ATXN7L1: variants seen among roughly 807,000 people sequenced by gnomAD.
The protein encoded by ATXN7L1 is ataxin 7 like 1.
A neutral mutation model predicts 70.8 loss-of-function variants in ATXN7L1; 15 were observed. The observed-to-expected ratio is 0.21, with a 90% CI of 0.14 to 0.33. The LOEUF is 0.33. ATXN7L1 is among the 10% of genes least tolerant of loss of function. ATXN7L1 has a pLI of 1.00. For missense variants in ATXN7L1, 975 were observed against 1,097.1 expected (o/e 0.89, Z 1.57); for synonymous variants, 440 against 445.1 (o/e 0.99, Z 0.14).
chr7:105,660,576 CTTTTT>C (rs34008024), intron 4 of ATXN7L1, among the ~76,000 whole-genome samples: 1 of 78,140 alleles, frequency 1.3e-5, no homozygotes, highest in African/African-American at 5.3e-5. Context: ...CGGAAGTGAC[CTTTTT>C]TTTTTTTTTT....
chr7:105,861,025 C>T (rs151028867), intron 2 of ATXN7L1, among the ~76,000 whole-genome samples: 8 of 151,986 alleles, frequency 5.3e-5, no homozygotes, highest in Admixed American at 3.3e-4. Context: ...CGGGGTGGCC[C>T]GAGCGGCAGG....
At chr7:105,759,073 C>T (rs978143393) in intron 3 of ATXN7L1, among the ~76,000 whole-genome samples, 1 of 151,700 alleles carries the variant, frequency 6.6e-6, no homozygotes, top group Admixed American at 6.6e-5. Context: ...ACATCACCAA[C>T]TACTACACAG....
At chr7:105,674,452 G>C (rs1345566989) in intron 3 of ATXN7L1, among the ~76,000 whole-genome samples, 1 of 152,244 alleles carries the variant, frequency 6.6e-6, no homozygotes, top group Non-Finnish European at 1.5e-5. Flanking sequence ...CCTTGTTATA[G>C]ATGGGGAAAT....
intron 2 of ATXN7L1, among the ~76,000 whole-genome samples, chr7:105,862,784 C>T (rs1224192558): frequency 6.6e-6 from 1 of 152,106 alleles, no homozygotes. Flanking sequence ...GCTTAAATGT[C>T]CCAGTTAATG....
intron 3 of ATXN7L1, chr7:105,678,949 C>G: frequency 3.8e-6 from 2 of 520,732 alleles, no homozygotes; most frequent in Non-Finnish European, 4.9e-6. Context: ...CTAAATGCCT[C>G]GTGGGCTGCC....
intron 3 of ATXN7L1, among the ~76,000 whole-genome samples, chr7:105,783,871 T>C (rs1417703013): frequency 6.6e-6 from 1 of 152,214 alleles, no homozygotes; most frequent in African/African-American, 2.4e-5. Context: ...TGGGGACCTA[T>C]TACTTGTGAC....
rs139476679 is a variant in ATXN7L1, at chr7:105,738,241, C to T, written c.355+50363G>A. The stretch of plus-strand genomic sequence containing the variant: ...AACTGACATCAAGTGGCTTTCTAAG[C>T]CCATTTGCTGCTGCTCCCCTCAGCA... On this transcript the variant is annotated intron_variant, in intron 3 of 11. Coordinates refer to ENST00000419735, the MANE Select transcript of ATXN7L1 (RefSeq NM_020725.2). Among the ~76,000 whole-genome samples, 7 of 152,324 alleles carry T rather than the reference C, an allele frequency of 4.6e-5. No homozygotes were observed. In the East Asian group the frequency reaches 1.3e-3, roughly 29 times the overall value.
At chr7:105,774,221 T>C (rs1289754698) in intron 3 of ATXN7L1, among the ~76,000 whole-genome samples, 2 of 152,202 alleles carry the variant, frequency 1.3e-5, no homozygotes, top group Non-Finnish European at 2.9e-5. Flanking sequence ...AGGGCCACCA[T>C]CTAGCCCCTG....
At chr7:105,813,675 C>T (rs575232037) in intron 2 of ATXN7L1, among the ~76,000 whole-genome samples, 7 of 152,292 alleles carry the variant, frequency 4.6e-5, no homozygotes, top group African/African-American at 1.7e-4. Context: ...TAGACTCTTC[C>T]TTTATCTGTA....
At chr7:105,646,004 C>T (rs1043513449) in intron 4 of ATXN7L1, among the ~76,000 whole-genome samples, 2 of 142,250 alleles carry the variant, frequency 1.4e-5, no homozygotes, top group Admixed American at 1.4e-4. Context: ...GAGTCTCTGT[C>T]TCAAAAAAAA....
At chr7:105,793,014 G>C (rs943955761) in intron 2 of ATXN7L1, among the ~76,000 whole-genome samples, 3 of 152,198 alleles carry the variant, frequency 2.0e-5, no homozygotes, top group African/African-American at 7.2e-5. Context: ...AAAGTAATTT[G>C]CTTGCAATCT....
rs150437313 is a variant in ATXN7L1, at chr7:105,761,444, C to T, written c.355+27160G>A. On this transcript the variant is annotated intron_variant, in intron 3 of 11. Coordinates refer to ENST00000419735, the MANE Select transcript of ATXN7L1 (RefSeq NM_020725.2). The stretch of plus-strand genomic sequence containing the variant: ...CACTCCTGGAGATGCCTTCATTTCT[C>T]CTGTTGTCTTGCTTTCTCCCTTTGG... 745 of 1,614,098 alleles carry T rather than the reference C, an allele frequency of 4.6e-4. 1 individual carries two copies. The African/African-American group carries it at 8.7e-3, about 19-fold the overall frequency.
chr7:105,809,648 C>A (rs1808128722), intron 2 of ATXN7L1, among the ~76,000 whole-genome samples: 1 of 152,158 alleles, frequency 6.6e-6, no homozygotes, highest in South Asian at 2.1e-4. Flanking sequence ...ACGTATTTAG[C>A]CCTCACAGAA....
chr7:105,671,704 T>G (rs1803724458), intron 3 of ATXN7L1, among the ~76,000 whole-genome samples: 1 of 151,708 alleles, frequency 6.6e-6, no homozygotes, highest in African/African-American at 2.4e-5. Flanking sequence ...CAAAACTAGC[T>G]GGGTAACATG....
Position 105,690,877 on chromosome 7 carries a change from C to T in ATXN7L1, c.356-25589G>A, listed in dbSNP as rs973729709. On this transcript the variant is annotated intron_variant, in intron 3 of 11. Coordinates refer to ENST00000419735, the MANE Select transcript of ATXN7L1 (RefSeq NM_020725.2). The stretch of plus-strand genomic sequence containing the variant: ...AGTGCTAATTCCGGCTTAGTGTTTT[C>T]GCTAAGCTTTAGTTCTTACTCAAAC... 5.9e-5 allele frequency among the ~76,000 whole-genome samples: 9 copies of T among 152,290 alleles called. No homozygotes were observed. In the East Asian group the frequency reaches 7.7e-4, roughly 13 times the overall value.
chr7:105,863,497 C>T (rs1477491700), intron 2 of ATXN7L1, among the ~76,000 whole-genome samples: 5 of 152,254 alleles, frequency 3.3e-5, no homozygotes, highest in African/African-American at 7.2e-5. Flanking sequence ...GGCACTCACT[C>T]CGCACTTGCA....
chr7:105,870,281 C>CA (rs11324410), intron 2 of ATXN7L1, among the ~76,000 whole-genome samples: 4 of 125,312 alleles, frequency 3.2e-5, no homozygotes, highest in Non-Finnish European at 1.7e-5. Context: ...GACTCCATTT[C>CA]AAAAAAAAAA....
intron 3 of ATXN7L1, among the ~76,000 whole-genome samples, chr7:105,717,321 T>C (rs1362659628): frequency 6.6e-6 from 1 of 152,110 alleles, no homozygotes; most frequent in Admixed American, 6.6e-5. Context: ...AGAGACGGGG[T>C]TTTGCCATGT....
chr7:105,642,791 C>T, intron 5 of ATXN7L1, 47 bp downstream of exon 5: 1 of 1,508,392 alleles, frequency 6.6e-7, no homozygotes. Flanking sequence ...GCTGCGACTC[C>T]CTTTCAGTCT....
Sources: gnomAD v4.1 joint callset for allele counts (sites outside exome capture counted in the v4.1 genomes callset) on GRCh38, gnomAD v4.1.1 for gene constraint, MANE v1.5 for transcripts, NCBI Gene and HGNC (gene_info 2026-07-23, HGNC 2026-07-21) for gene names.